Variants in NPSR1 observed in about 807,000 individuals in gnomAD.
NPSR1 encodes neuropeptide S receptor.
NPSR1 carries 48 observed loss-of-function variants against 46.9 expected under a neutral mutation model. The observed-to-expected ratio is 1.02, with a 90% confidence interval of 0.81 to 1.30. The LOEUF (loss-of-function observed/expected upper bound fraction) is 1.30, where lower values mean the gene tolerates loss of function less well. Ranked by LOEUF, NPSR1 falls within the 50% of genes most tolerant of loss-of-function variation. NPSR1 has a pLI of 0.00. For missense variants in NPSR1, 450 were observed against 449.5 expected, an observed-to-expected ratio of 1.00 and a Z score of -0.01; for synonymous variants, 176 against 168.1, an observed-to-expected ratio of 1.05 and a Z score of -0.36.
intron 8 of NPSR1, among the ~76,000 whole-genome samples, chr7:34,857,931 A>C (rs1791086557): frequency 6.6e-6 from 1 of 151,744 alleles, no homozygotes; most frequent in Non-Finnish European, 1.5e-5. Flanking sequence ...AAATGGACAA[A>C]AAACTATGAA....
intron 1 of NPSR1, among the ~76,000 whole-genome samples, chr7:34,677,775 T>C (rs551660879): frequency 1.3e-5 from 2 of 152,180 alleles, no homozygotes; most frequent in Non-Finnish European, 2.9e-5. Flanking sequence ...GCTGGGGCCA[T>C]CTCCAGTGAG....
At chr7:34,661,346 G>A (rs1270861013) in intron 1 of NPSR1, among the ~76,000 whole-genome samples, 1 of 152,090 alleles carries the variant, frequency 6.6e-6, no homozygotes, top group Non-Finnish European at 1.5e-5. Flanking sequence ...GAGGCACCAT[G>A]AGCTGGTACC....
In NPSR1 at chr7:34,760,036, T is replaced by C. The variant is rs192381317; in HGVS notation, c.281-18426T>C. ...GTTAATTTAATCACCACTGTTTCCA[T>C]AGTGAGAATCTAATATATTAGACTG... On this transcript the variant is annotated intron_variant, in intron 2 of 8. Transcript: ENST00000360581. 3.9e-5 allele frequency among the ~76,000 whole-genome samples: 6 copies of C among 152,354 alleles called. No homozygotes were observed. The East Asian group carries it at 7.7e-4, about 20-fold the overall frequency.
intron 2 of NPSR1, among the ~76,000 whole-genome samples, chr7:34,722,775 T>A (rs1783926816): frequency 6.6e-6 from 1 of 152,184 alleles, no homozygotes; most frequent in Non-Finnish European, 1.5e-5. Context: ...TGGCTGCAGA[T>A]AATGACAGTT....
chr7:34,748,959 A>G (rs1421823579), intron 2 of NPSR1, among the ~76,000 whole-genome samples: 3 of 152,110 alleles, frequency 2.0e-5, no homozygotes, highest in Non-Finnish European at 4.4e-5. Flanking sequence ...ACCTCCTTCT[A>G]AGGCAAGCTA....
intron 8 of NPSR1, among the ~76,000 whole-genome samples, chr7:34,867,090 A>G (rs1791330931): frequency 6.6e-6 from 1 of 151,664 alleles, no homozygotes; most frequent in Non-Finnish European, 1.5e-5. Context: ...TCTGAGCACA[A>G]GTACCCATAA....
intron 2 of NPSR1, among the ~76,000 whole-genome samples, chr7:34,758,647 C>T (rs1308094921): frequency 2.6e-5 from 4 of 152,124 alleles, no homozygotes; most frequent in African/African-American, 9.7e-5. Context: ...AGTACAAATA[C>T]CCCCATGTAC....
chr7:34,809,318 G>C (rs1245667726), intron 3 of NPSR1, among the ~76,000 whole-genome samples: 1 of 151,288 alleles, frequency 6.6e-6, no homozygotes, highest in East Asian at 1.9e-4. Flanking sequence ...TTTTCTTTTA[G>C]TTTTCAGAGG....
At chr7:34,856,641 G>A (rs1320062886) in intron 8 of NPSR1, among the ~76,000 whole-genome samples, 1 of 151,614 alleles carries the variant, frequency 6.6e-6, no homozygotes, top group Non-Finnish European at 1.5e-5. Context: ...CAATGGTCCA[G>A]GACAGAGTCT....
At chr7:34,829,618 C>G (rs899582898) in intron 5 of NPSR1, among the ~76,000 whole-genome samples, 1 of 152,178 alleles carries the variant, frequency 6.6e-6, no homozygotes, top group South Asian at 2.1e-4. Flanking sequence ...TCAAAGTCCC[C>G]GCTCAGCAGA....
chr7:34,870,280 C>T (rs1447189715), intron 8 of NPSR1, among the ~76,000 whole-genome samples: 1 of 151,796 alleles, frequency 6.6e-6, no homozygotes, highest in Non-Finnish European at 1.5e-5. Flanking sequence ...TCAGGCATGA[C>T]TCATCAATAT....
intron 1 of NPSR1, 93 bp downstream of exon 1, chr7:34,658,652 GTGAA>G (rs1242526904): frequency 1.7e-6 from 2 of 1,200,596 alleles, no homozygotes; most frequent in Non-Finnish European, 2.4e-6. Context: ...AGCCAGTATT[GTGAA>G]TGAGTGTTAT....
chr7:34,744,628 T>C (rs1439372350), intron 2 of NPSR1, among the ~76,000 whole-genome samples: 2 of 152,242 alleles, frequency 1.3e-5, no homozygotes, highest in Non-Finnish European at 2.9e-5. Context: ...GAAACACTAG[T>C]TGTCCCATTG....
chr7:34,662,520 CA>C (rs1791507615), intron 1 of NPSR1, among the ~76,000 whole-genome samples: 1 of 152,156 alleles, frequency 6.6e-6, no homozygotes, highest in South Asian at 2.1e-4. Flanking sequence ...TCCCAACCCC[CA>C]AATGTATCTC....
chr7:34,702,525 A>C (rs1279035108), intron 2 of NPSR1, among the ~76,000 whole-genome samples: 2 of 152,090 alleles, frequency 1.3e-5, no homozygotes, highest in Non-Finnish European at 2.9e-5. Flanking sequence ...TTGTCCACCC[A>C]TTGCCTGCTT....
chr7:34,686,605 T>C (rs544439488), intron 2 of NPSR1, among the ~76,000 whole-genome samples: 102 of 152,290 alleles, frequency 6.7e-4, no homozygotes, highest in African/African-American at 2.4e-3. Context: ...TTTATATTTT[T>C]ACTTCTCTTT....
intron 1 of NPSR1, among the ~76,000 whole-genome samples, chr7:34,682,981 C>T (rs992951868): frequency 6.6e-6 from 1 of 152,146 alleles, no homozygotes; most frequent in Non-Finnish European, 1.5e-5. Flanking sequence ...AGTTGTACAG[C>T]CCTCATCCTC....
At chr7:34,663,752 G>A (rs1385623770) in intron 1 of NPSR1, among the ~76,000 whole-genome samples, 3 of 152,118 alleles carry the variant, frequency 2.0e-5, no homozygotes, top group Non-Finnish European at 2.9e-5. Context: ...GTGTTCTTCC[G>A]AATTTATTAT....
At chr7:34,782,290 A>G (rs1329372654) in intron 3 of NPSR1, among the ~76,000 whole-genome samples, 1 of 152,154 alleles carries the variant, frequency 6.6e-6, no homozygotes, top group African/African-American at 2.4e-5. Flanking sequence ...GTCACCCATC[A>G]GACACTGGTG....
Sources: gnomAD v4.1 joint callset for allele counts (sites outside exome capture counted in the v4.1 genomes callset) on GRCh38, gnomAD v4.1.1 for gene constraint, MANE v1.5 for transcripts, NCBI Gene and HGNC (gene_info 2026-07-23, HGNC 2026-07-21) for gene names.